Variants in ARVCF observed in about 807,000 individuals in gnomAD.
ARVCF encodes the protein splicing regulator ARVCF.
Under a neutral mutation model 90.9 loss-of-function variants are expected in ARVCF, and 66 were observed. The ratio of observed to expected loss-of-function variants is 0.73; its 90% CI spans 0.60 to 0.89. The LOEUF (loss-of-function observed/expected upper bound fraction) is 0.89. Among genes scored for constraint, ARVCF ranks in the 40% least tolerant of loss-of-function variants. ARVCF has a pLI of 0.00. For synonymous variants in ARVCF, 653 were observed against 603.4 expected, an observed-to-expected ratio of 1.08 and a Z score of -1.21; for missense variants, 1,469 against 1,382.3, an observed-to-expected ratio of 1.06 and a Z score of -1.00.
chr22:19,986,013 C>T (rs922283453), intron 3 of ARVCF, among the ~76,000 whole-genome samples: 1 of 152,262 alleles, frequency 6.6e-6, no homozygotes, highest in African/African-American at 2.4e-5. Context: ...GGTGCCACAG[C>T]CTCTGACCAG....
At chr22:20,005,325 C>T (rs1944581435) in intron 2 of ARVCF, among the ~76,000 whole-genome samples, 1 of 150,024 alleles carries the variant, frequency 6.7e-6, no homozygotes, top group Non-Finnish European at 1.5e-5. Context: ...AAGAGCAAAT[C>T]AAGGCTGCAA....
In ARVCF at chr22:19,980,040, G is replaced by A. The variant is rs376956994; in HGVS notation, c.1099C>T (p.Leu367=). The A allele has an allele frequency of 8.2e-6, 13 of 1,586,260 alleles. No individual in the cohort carries two copies. In the African/African-American group the frequency reaches 1.2e-4, roughly 15 times the overall value. ...DPELPEVLAM[L]RHPVDPVKAN... is the part of the protein sequence containing the mutation. ...TTCACGGGGTCCACGGGGTGCCGCA[G>A]CATGGCCAGCACCTCAGGCAGCTCA... is the stretch of plus-strand genomic sequence containing the variant. The change falls in exon 6 of 20, where the codon CTG becomes TTG. Residue 367 remains leucine (L), a synonymous_variant. Transcript: ENST00000263207.
chr22:19,980,353 G>A (rs1943426388), intron 5 of ARVCF, 111 bp from the exon 6 acceptor site: 1 of 1,398,424 alleles, frequency 7.2e-7, no homozygotes, highest in South Asian at 1.6e-5. Flanking sequence ...GCAGCGCTGG[G>A]CTGAGAGCAC....
At chr22:19,977,624 A>C (rs751876662) in intron 8 of ARVCF, 38 bp from the exon 9 acceptor site, 17 of 1,493,254 alleles carry the variant, frequency 1.1e-5, no homozygotes, top group African/African-American at 2.8e-5. Context: ...AGGGCACCCT[A>C]GGCACAGGGC....
At chr22:19,991,791 C>T (rs538719131) in intron 2 of ARVCF, among the ~76,000 whole-genome samples, 1 of 152,380 alleles carries the variant, frequency 6.6e-6, no homozygotes, top group South Asian at 2.1e-4. Context: ...ATGCGGAGCT[C>T]CAATCCAGGC....
At position 19,972,752 on chromosome 22, in the gene ARVCF, C is replaced by T. The variant is rs753834271; in HGVS notation, c.2626G>A (p.Val876Met). Residue 876 changes from valine to methionine, a missense_variant, in exon 16 of 20, where the codon GTG becomes ATG. Transcript: ENST00000263207. ...GGFDDSTLPL[V>M]DKSLEGEKTG... ...CACCACTCACCAAGGCTCTTGTCCA[C>T]CAGTGGCAGCGTGCTGTCATCGAAG... 2 of 1,611,754 alleles carry T rather than the reference C, an allele frequency of 1.2e-6. No individual in the cohort carries two copies. Among genetic ancestry groups the T allele is most frequent in the African/African-American group, 1.3e-5 (1 of 74,862 alleles).
intron 19 of ARVCF, 112 bp downstream of exon 19, chr22:19,971,104 T>G: frequency 6.6e-7 from 1 of 1,526,220 alleles, no homozygotes; most frequent in Middle Eastern, 1.7e-4. Flanking sequence ...GAGGCCAAAG[T>G]CCTGCGGGGA....
In ARVCF at chr22:19,973,713, G is replaced by C. The variant is rs1172237567; in HGVS notation, c.2169C>G (p.Asp723Glu). 2.5e-6 allele frequency: 4 copies of C among 1,609,998 alleles called. No homozygotes were observed. Among genetic ancestry groups the C allele is most frequent in the East Asian group, 4.5e-5 (2 of 44,886 alleles). ...CGATGGCGACGGCGCGCACCACCTT[G>C]TCGGTCTCAGACTGCAGCAGTTCCA... ...VLVELLQSET[D>E]KVVRAVAIAL... Residue 723 changes from aspartate (D) to glutamate (E), a missense_variant, in exon 13 of 20, where the codon GAC (aspartate) becomes GAG (glutamate). Asp to Glu is a conservative substitution (Grantham distance 45). Transcript: ENST00000263207.
At chr22:19,971,865 C>A in intron 18 of ARVCF, 21 bp downstream of exon 18, 1 of 1,612,986 alleles carries the variant, frequency 6.2e-7, no homozygotes. Flanking sequence ...GGGACCTGCC[C>A]ACAGCCACAT....
intron 19 of ARVCF, 60 bp downstream of exon 19, chr22:19,971,156 A>G: frequency 1.9e-6 from 3 of 1,550,508 alleles, no homozygotes; most frequent in Non-Finnish European, 2.6e-6. Context: ...GGAGACTAAC[A>G]AGAAGCCCTG....
At chr22:20,013,582 G>A (rs967782079) in intron 1 of ARVCF, among the ~76,000 whole-genome samples, 16 of 152,266 alleles carry the variant, frequency 1.1e-4, no homozygotes, top group Admixed American at 3.9e-4. Flanking sequence ...CTGCTGTGGC[G>A]GTCCCAGCTG....
rs1337141075 is a variant in ARVCF, at chr22:19,979,827, C to T, written c.1312G>A (p.Ala438Thr). 5.6e-6 allele frequency: 9 copies of T among 1,609,242 alleles called. 1 individual carries two copies. The highest frequency in any genetic ancestry group is 4.4e-5 in the South Asian group (4 of 90,568). Reference sequence around the variant, plus strand: ...GGCACACCACCGCAGTCCCGGATGGCGGCCTTGTTGTCAGTGTCGCGGCCA... The same window carrying T: ...GGCACACCACCGCAGTCCCGGATGGTGGCCTTGTTGTCAGTGTCGCGGCCA... Reference protein sequence around the residue: ...SYGRDTDNKAAIRDCGGVPAL... With the variant: ...SYGRDTDNKATIRDCGGVPAL... The change falls in exon 6 of 20, where the codon GCC (alanine) becomes ACC (threonine). Residue 438 changes from alanine to threonine, a missense_variant. Ala to Thr is a moderately conservative substitution (Grantham distance 58). Transcript: ENST00000263207.
downstream of ARVCF, chr22:19,968,725 G>A (rs1299092675): frequency 3.8e-6 from 6 of 1,597,082 alleles, no homozygotes; most frequent in Non-Finnish European, 5.1e-6. Flanking sequence ...AGGCAGCGAA[G>A]CAGGGCCCTG....
intron 3 of ARVCF, among the ~76,000 whole-genome samples, chr22:19,988,261 G>A (rs939440947): frequency 2.0e-5 from 3 of 152,246 alleles, no homozygotes; most frequent in African/African-American, 4.8e-5. Context: ...CTGCAGAGGG[G>A]TGAGCTACCC....
Position 19,977,456 on chromosome 22 carries a change from C to A in ARVCF, c.1829G>T (p.Arg610Met). The A allele has an allele frequency of 6.4e-7, 1 of 1,562,930 alleles. No homozygotes were observed. Among genetic ancestry groups the A allele is most frequent in the South Asian group, 1.2e-5 (1 of 84,908 alleles). Residue 610 changes from arginine (R) to methionine (M), a missense_variant, in exon 9 of 20, where the codon AGG (arginine) becomes ATG (methionine). Physicochemically the swap from Arg to Met is moderately conservative, Grantham distance 91 (BLOSUM62 -1). Coordinates refer to ENST00000263207, the MANE Select transcript of ARVCF (RefSeq NM_001670.3). ...LGSAVGSQRR[R>M]RDDASCFGGK... Reference sequence around the variant, plus strand: ...TCCAAAGCAGCTGGCATCATCCCGCCTCCGGCGCTGGGAGCCTACAGCACT... The same window carrying A: ...TCCAAAGCAGCTGGCATCATCCCGCATCCGGCGCTGGGAGCCTACAGCACT...
intron 16 of ARVCF, 57 bp downstream of exon 16, chr22:19,972,680 G>A (rs1942885193): frequency 6.6e-7 from 1 of 1,521,078 alleles, no homozygotes; most frequent in Non-Finnish European, 8.8e-7. Context: ...CCAAGGGTCA[G>A]GCAACTGGGG....
chr22:20,011,589 T>C (rs2146504707), intron 1 of ARVCF, among the ~76,000 whole-genome samples: 1 of 152,230 alleles, frequency 6.6e-6, no homozygotes, highest in Admixed American at 6.5e-5. Context: ...ATGCAGGGCC[T>C]GAGGCAGGGA....
At chr22:20,009,366 T>C (rs904586087) in intron 2 of ARVCF, among the ~76,000 whole-genome samples, 1 of 152,212 alleles carries the variant, frequency 6.6e-6, no homozygotes, top group African/African-American at 2.4e-5. Flanking sequence ...TCAGTCATCC[T>C]GTCCCTCCCA....
intron 1 of ARVCF, among the ~76,000 whole-genome samples, chr22:20,014,967 T>C (rs1944969350): frequency 6.6e-6 from 1 of 151,934 alleles, no homozygotes; most frequent in Non-Finnish European, 1.5e-5. Context: ...GCCCCGGGAC[T>C]GGGGGGAGAC....
Sources: gnomAD v4.1 joint callset for allele counts (sites outside exome capture counted in the v4.1 genomes callset) on GRCh38, gnomAD v4.1.1 for gene constraint, MANE v1.5 for transcripts, NCBI Gene and HGNC (gene_info 2026-07-23, HGNC 2026-07-21) for gene names.